Variants in NEO1 observed in about 807,000 individuals in gnomAD.
NEO1 encodes neogenin 1, also known as neogenin.
A neutral mutation model predicts 159.7 loss-of-function variants in NEO1; 63 were observed. That is an observed-to-expected ratio of 0.39 (90% CI 0.32 to 0.49). NEO1 has a LOEUF of 0.49. Among genes scored for constraint, NEO1 ranks in the 20% least tolerant of loss-of-function variants. The probability of loss-of-function intolerance (pLI) is 0.85; values close to 1 mark genes in which losing one functional copy is unlikely to be tolerated. For synonymous variants in NEO1, 633 were observed against 662.0 expected, an observed-to-expected ratio of 0.96 and a Z score of 0.67; for missense variants, 1,615 against 1,831.0, an observed-to-expected ratio of 0.88 and a Z score of 2.15.
At chr15:73,287,853 T>C (rs1299960075) in intron 23 of NEO1, among the ~76,000 whole-genome samples, 3 of 151,206 alleles carry the variant, frequency 2.0e-5, no homozygotes, top group Non-Finnish European at 4.4e-5. Flanking sequence ...ACACTGTAGC[T>C]TGGGCGACGA....
At chr15:73,271,055 A>C (rs377517004) in intron 18 of NEO1, among the ~76,000 whole-genome samples, 1 of 152,238 alleles carries the variant, frequency 6.6e-6, no homozygotes, top group East Asian at 1.9e-4. Context: ...ATCTCTGTCT[A>C]TTTTGGCCTC....
chr15:73,257,389 C>A lies in NEO1; in HGVS notation c.2093-1377C>A, dbSNP rs186006410. Among the ~76,000 whole-genome samples the A allele has an allele frequency of 4.6e-3, 694 of 151,494 alleles. 9 individuals are homozygous for A. Among genetic ancestry groups the A allele is most frequent in the Middle Eastern group, 6.9e-3 (2 of 290 alleles). ...AAAATGGCTTTATATTAAGAAAATT[C>A]TTACATTTTAAAATCATATCTGGAT... On this transcript the variant is annotated intron_variant, in intron 13 of 28. Transcript: ENST00000261908.
chr15:73,136,857 C>A (rs1463714410), intron 5 of NEO1, among the ~76,000 whole-genome samples: 1 of 152,122 alleles, frequency 6.6e-6, no homozygotes, highest in Non-Finnish European at 1.5e-5. Flanking sequence ...CCCACCCCCT[C>A]AAAACTCCCA....
intron 16 of NEO1, among the ~76,000 whole-genome samples, chr15:73,267,263 AAAAC>A (rs1171529049): frequency 6.6e-6 from 1 of 152,258 alleles, no homozygotes; most frequent in East Asian, 1.9e-4. Flanking sequence ...CTCAAAAAAC[AAAAC>A]AAACAAAAAT....
Position 73,178,329 on chromosome 15 carries a change from T to C in NEO1, c.1193T>C (p.Leu398Ser), listed in dbSNP as rs1482482541. The C allele has an allele frequency of 6.2e-7, 1 of 1,613,308 alleles. No individual in the cohort carries two copies. The highest frequency in any genetic ancestry group is 8.5e-7 in the Non-Finnish European group (1 of 1,179,444). The change falls in exon 7 of 29, where the codon TTG becomes TCG. Residue 398 changes from leucine (L) to serine (S), a missense_variant. Physicochemically the swap from Leu to Ser is moderately radical, Grantham distance 145. Around this residue, in one of 3 missense-constraint regions of NEO1, gnomAD observed 1,018 missense variants for 1,115.4 expected, o/e 0.91. Coordinates refer to ENST00000261908, the MANE Select transcript of NEO1 (RefSeq NM_002499.4). ...CAGAAGGAACATAATCTTCAAGTTT[T>C]GGGTCTGGTGAAATCAGATGAAGGG... ...KIVKEHNLQVLGLVKSDEGFY... is the reference protein window; with the variant it reads ...KIVKEHNLQVSGLVKSDEGFY...
intron 1 of NEO1, among the ~76,000 whole-genome samples, chr15:73,101,531 G>T (rs769420537): frequency 6.6e-6 from 1 of 152,172 alleles, no homozygotes; most frequent in Non-Finnish European, 1.5e-5. Flanking sequence ...CTTCAACTCC[G>T]TGAGACTGCA....
chr15:73,108,879 G>A (rs765498986), intron 1 of NEO1, among the ~76,000 whole-genome samples: 24 of 152,140 alleles, frequency 1.6e-4, no homozygotes, highest in Admixed American at 6.6e-4. Context: ...GAAAGGACAT[G>A]GCTTGTTCAA....
chr15:73,255,820 C>T (rs2040315629), intron 13 of NEO1: 1 of 152,172 alleles, frequency 6.6e-6, no homozygotes, highest in Non-Finnish European at 1.5e-5. Context: ...TTAGTTTTGT[C>T]ACTCAATAGA....
chr15:73,053,985 A>G (rs2067584225), intron 1 of NEO1, among the ~76,000 whole-genome samples: 1 of 152,232 alleles, frequency 6.6e-6, no homozygotes. Flanking sequence ...TGCCAATGTT[A>G]AAGAACAGCT....
At chr15:73,206,844 T>C (rs12900983) in intron 7 of NEO1, among the ~76,000 whole-genome samples, 423 of 131,574 alleles carry the variant, frequency 3.2e-3, no homozygotes, top group African/African-American at 9.7e-3. Context: ...TATGTGTGTG[T>C]GTGCGTGTGT....
At chr15:73,274,229 C>T (rs2041302281) in intron 20 of NEO1, among the ~76,000 whole-genome samples, 1 of 152,188 alleles carries the variant, frequency 6.6e-6, no homozygotes, top group Non-Finnish European at 1.5e-5. Flanking sequence ...AAAGAGGACA[C>T]TGGTTCCAGG....
intron 1 of NEO1, among the ~76,000 whole-genome samples, chr15:73,109,565 A>AT (rs531818718): frequency 0.091 from 13,515 of 148,792 alleles, 677 homozygotes; most frequent in South Asian, 0.11. Context: ...AGGAATTTAG[A>AT]TTTTTTTTTT....
At chr15:73,256,030 T>C (rs1332416589) in intron 13 of NEO1, 1 of 152,204 alleles carries the variant, frequency 6.6e-6, no homozygotes, top group Non-Finnish European at 1.5e-5. Context: ...TGAGATATTG[T>C]CATTATTTTC....
chr15:73,264,789 A>T (rs895012330), intron 15 of NEO1, among the ~76,000 whole-genome samples: 2 of 152,178 alleles, frequency 1.3e-5, no homozygotes, highest in Non-Finnish European at 2.9e-5. Context: ...ATTAAAGTTA[A>T]TGCCTTCTCC....
At chr15:73,081,028 CTGAT>C (rs1294983056) in intron 1 of NEO1, among the ~76,000 whole-genome samples, 1 of 152,084 alleles carries the variant, frequency 6.6e-6, no homozygotes, top group Admixed American at 6.6e-5. Context: ...TCATAATTAA[CTGAT>C]TGACTTGAGA....
At chr15:73,278,759 C>T (rs868190554) in intron 22 of NEO1, among the ~76,000 whole-genome samples, 9 of 152,170 alleles carry the variant, frequency 5.9e-5, no homozygotes, top group African/African-American at 9.7e-5. Context: ...GAACAGATAC[C>T]GTTATTCCCG....
chr15:73,144,197 T>C (rs546834308), intron 5 of NEO1, among the ~76,000 whole-genome samples: 2 of 152,338 alleles, frequency 1.3e-5, no homozygotes, highest in Admixed American at 1.3e-4. Flanking sequence ...AACCATTACC[T>C]CTACTTTTAT....
intron 1 of NEO1, among the ~76,000 whole-genome samples, chr15:73,059,772 C>T (rs1174022678): frequency 1.3e-5 from 2 of 152,146 alleles, no homozygotes; most frequent in Admixed American, 6.5e-5. Context: ...AGCCAGTAGA[C>T]TAGAATTCTC....
chr15:73,145,932 T>A (rs539213464), intron 5 of NEO1, among the ~76,000 whole-genome samples: 1 of 152,242 alleles, frequency 6.6e-6, no homozygotes, highest in African/African-American at 2.4e-5. Context: ...TGTCATTGCT[T>A]CTCAAGGTAA....
Sources: gnomAD v4.1 joint callset for allele counts (sites outside exome capture counted in the v4.1 genomes callset) on GRCh38, gnomAD v4.1.1 for gene constraint, gnomAD v4.1.1 regional missense constraint, MANE v1.5 for transcripts, NCBI Gene and HGNC (gene_info 2026-07-23, HGNC 2026-07-21) for gene names.